The following ARHGAP29 variants were observed in gnomAD, a reference collection of about 807,000 sequenced individuals.
The protein encoded by ARHGAP29 is Rho GTPase activating protein 29, also known as rho GTPase-activating protein 29.
In ARHGAP29, 43 loss-of-function variants were observed where a neutral mutation model predicts 122.6. That is an observed-to-expected ratio of 0.35 (90% CI 0.27 to 0.45). The LOEUF (loss-of-function observed/expected upper bound fraction) is 0.45, where lower values mean the gene tolerates loss of function less well. Among genes scored for constraint, ARHGAP29 ranks in the 20% least tolerant of loss-of-function variants. The probability of loss-of-function intolerance (pLI) is 1.00; values close to 1 mark genes in which losing one functional copy is unlikely to be tolerated. For missense variants in ARHGAP29, 1,303 were observed against 1,477.2 expected (o/e 0.88, Z 1.93); for synonymous variants, 506 against 497.1 (o/e 1.02, Z -0.24).
chr1:94,188,829 A>T lies in ARHGAP29; in HGVS notation c.1681+8T>A. 5 of 1,603,402 alleles carry T rather than the reference A, an allele frequency of 3.1e-6. No homozygotes were observed. Among genetic ancestry groups the T allele is most frequent in the Non-Finnish European group, 4.3e-6 (5 of 1,173,560 alleles). On this transcript the variant is annotated splice_region_variant and intron_variant, in intron 15 of 22. Coordinates refer to ENST00000260526, the MANE Select transcript of ARHGAP29 (RefSeq NM_004815.4). Reference sequence around the variant, plus strand: ...AGTTTTCATTGCCAGACTTAAATATAGATGTACCTGGACTTATAGATTCTG... The same window carrying T: ...AGTTTTCATTGCCAGACTTAAATATTGATGTACCTGGACTTATAGATTCTG...
At chr1:94,189,802 T>G in intron 13 of ARHGAP29, 124 bp downstream of exon 13, 3 of 875,224 alleles carry the variant, frequency 3.4e-6, no homozygotes, top group Non-Finnish European at 5.2e-6. Flanking sequence ...TAAAATAATA[T>G]TTAAAGAACT....
the ARHGAP29 span, chr1:94,302,656 C>T: frequency 2.2e-6 from 1 of 451,792 alleles, no homozygotes; most frequent in Non-Finnish European, 4.5e-6. Context: ...TCTACTGGTG[C>T]TGCCAAGGCT....
chr1:94,196,792 C>G (rs926416004), intron 12 of ARHGAP29, among the ~76,000 whole-genome samples: 1 of 151,954 alleles, frequency 6.6e-6, no homozygotes, highest in African/African-American at 2.4e-5. Context: ...ATCCACAGAT[C>G]AAAGATGAAG....
Position 94,185,175 on chromosome 1 carries a change from T to C in ARHGAP29, c.1921-115A>G, listed in dbSNP as rs144620249. On this transcript the variant is annotated intron_variant, in intron 17 of 22. Transcript: ENST00000260526. ...AGTTTAAGAGGTATTACTTGCGCTA[T>C]TTGAAACAGATTTAACAACAAAATA... 298 of 1,218,402 alleles carry C rather than the reference T, an allele frequency of 2.4e-4. 2 individuals are homozygous for C. The Middle Eastern group carries it at 3.3e-3, about 13-fold the overall frequency. 75.5% of individuals were successfully genotyped at this position (1,218,402 alleles called of 1,614,324 possible). A position where few individuals can be genotyped will look rare whatever the true frequency, so the allele number is the denominator to read the frequency against.
At chr1:94,241,779 G>A (rs1386094087), upstream of ARHGAP29, among the ~76,000 whole-genome samples, 2 of 142,334 alleles carry the variant, frequency 1.4e-5, no homozygotes, top group East Asian at 2.0e-4. Context: ...AATAAAAACA[G>A]ACATACTCTT....
intron 20 of ARHGAP29, among the ~76,000 whole-genome samples, 171 bp from the exon 21 acceptor site, chr1:94,178,338 A>G (rs1649241820): frequency 6.6e-6 from 1 of 152,240 alleles, no homozygotes; most frequent in African/African-American, 2.4e-5. Flanking sequence ...ACCACATGCC[A>G]AATAGAGTTT....
At chr1:94,278,443 T>C (rs1275459627), upstream of ARHGAP29, among the ~76,000 whole-genome samples, 4 of 152,206 alleles carry the variant, frequency 2.6e-5, no homozygotes, top group African/African-American at 9.6e-5. Context: ...ATCAGACTGT[T>C]TGAGATTCAT....
upstream of ARHGAP29, among the ~76,000 whole-genome samples, chr1:94,241,677 T>C (rs1286077184): frequency 7.0e-6 from 1 of 142,110 alleles, no homozygotes; most frequent in Non-Finnish European, 1.5e-5. Context: ...TTATATATGA[T>C]ATATATAATT....
rs1233012147 is a variant in ARHGAP29 at position 94,177,946 on chromosome 1, A to C, written c.2702T>G (p.Val901Gly). ...QPQDVMCSIG[V>G]VDQGCFPKPL... ...CTTTGGAAAACAGCCTTGATCAACA[A>C]CACCTATGCTACACATAACATCTTG... Residue 901 changes from valine (V) to glycine (G), a missense_variant, in exon 21 of 23, where the codon GTT (valine) becomes GGT (glycine). Val to Gly is a moderately radical substitution (Grantham distance 109). This residue lies in a region of ARHGAP29 where 620 missense variants were observed against 651.2 expected (regional missense o/e 0.95). Coordinates refer to ENST00000260526, the MANE Select transcript of ARHGAP29 (RefSeq NM_004815.4). 34 of 1,614,036 alleles carry C rather than the reference A, an allele frequency of 2.1e-5. No homozygotes were observed. Among genetic ancestry groups the C allele is most frequent in the Admixed American group, 5.0e-5 (3 of 60,010 alleles).
intron 1 of ARHGAP29, among the ~76,000 whole-genome samples, chr1:94,236,408 G>A (rs1389284976): frequency 6.6e-6 from 1 of 152,062 alleles, no homozygotes; most frequent in Non-Finnish European, 1.5e-5. Flanking sequence ...TAAACAAAGA[G>A]GGAAGAATGG....
rs951300700 is a variant in ARHGAP29 at position 94,229,994 on chromosome 1, C to T, written c.205+1413G>A. On this transcript the variant is annotated intron_variant, in intron 2 of 22. Transcript: ENST00000260526. ...AATCTTATTTATACTAATAAAAATGCATTTAAATTGAGGCATTAAATAAAA... is the reference window on the plus strand; with the variant it reads ...AATCTTATTTATACTAATAAAAATGTATTTAAATTGAGGCATTAAATAAAA... Among the ~76,000 whole-genome samples, 3 of 151,446 alleles carry T rather than the reference C, an allele frequency of 2.0e-5. No homozygotes were observed. In the East Asian group the frequency reaches 5.8e-4, roughly 29 times the overall value.
chr1:94,186,493 C>T lies in ARHGAP29; in HGVS notation c.1780+6G>A, dbSNP rs751164202. The T allele has an allele frequency of 1.2e-6, 2 of 1,605,856 alleles. No homozygotes were observed. Among genetic ancestry groups the T allele is most frequent in the East Asian group, 4.5e-5 (2 of 44,750 alleles). ...TAGTGGGACTTAATTCAGGTAAATA[C>T]AATACCAGTTTCTGAAGGGGAAGGT... On this transcript the variant is annotated splice_donor_region_variant and intron_variant, in intron 16 of 22. Coordinates refer to ENST00000260526, the MANE Select transcript of ARHGAP29 (RefSeq NM_004815.4).
chr1:94,196,335 C>T (rs1236634414), intron 12 of ARHGAP29, among the ~76,000 whole-genome samples: 1 of 135,576 alleles, frequency 7.4e-6, no homozygotes, highest in Non-Finnish European at 1.5e-5. Flanking sequence ...GATCTCGGCT[C>T]ACTGCAAGCT....
At chr1:94,226,409 G>A (rs1004004024) in intron 2 of ARHGAP29, among the ~76,000 whole-genome samples, 1 of 151,798 alleles carries the variant, frequency 6.6e-6, no homozygotes, top group Non-Finnish European at 1.5e-5. Flanking sequence ...AATAGACACA[G>A]AAACAAGCAT....
At chr1:94,237,588 G>T, upstream of ARHGAP29, 1 of 989,462 alleles carries the variant, frequency 1.0e-6, no homozygotes, top group South Asian at 4.5e-5. Flanking sequence ...CACCACTGCA[G>T]CCGCCACCGC....
At chr1:94,300,998 A>T in the ARHGAP29 span, among the ~76,000 whole-genome samples, 1 of 152,238 alleles carries the variant, frequency 6.6e-6, no homozygotes, top group Admixed American at 6.5e-5. Flanking sequence ...CTTAGCAGAC[A>T]TAAGTGACAT....
At chr1:94,177,442 A>C (rs1649163485) in intron 22 of ARHGAP29, 170 bp downstream of exon 22, 1 of 457,518 alleles carries the variant, frequency 2.2e-6, no homozygotes, top group African/African-American at 2.0e-5. Context: ...CATTCATTTA[A>C]ATGCAAGATA....
At chr1:94,222,506 G>A (rs1168371347) in intron 2 of ARHGAP29, among the ~76,000 whole-genome samples, 2 of 152,148 alleles carry the variant, frequency 1.3e-5, no homozygotes, top group Non-Finnish European at 2.9e-5. Flanking sequence ...CCGGTCTAAT[G>A]AGGAGAAAAA....
Position 94,189,319 on chromosome 1 carries a change from A to G in ARHGAP29, c.1473T>C (p.Pro491=). The G allele has an allele frequency of 1.2e-6, 2 of 1,612,422 alleles. No homozygotes were observed. Among genetic ancestry groups the G allele is most frequent in the East Asian group, 2.2e-5 (1 of 44,830 alleles). The change falls in exon 14 of 23, where the codon CCT becomes CCC. Residue 491 remains proline (P), a synonymous_variant. Transcript: ENST00000260526. The part of the protein sequence containing the change: ...NVNKHLNSSQ[P]SGFGPANSLE... ...AAGAGTTGGCAGGTCCAAATCCTGA[A>G]GGTTGGGAACTATTTAAATGTTTAT...
Sources: allele counts gnomAD v4.1 joint callset (sites outside exome capture counted in the v4.1 genomes callset), GRCh38; gene constraint gnomAD v4.1.1; regional missense constraint gnomAD v4.1.1; transcripts MANE v1.5; gene names NCBI Gene and HGNC (gene_info 2026-07-23, HGNC 2026-07-21).